RBFOX1: variants seen among roughly 807,000 people sequenced by gnomAD.
The protein encoded by RBFOX1 is RNA binding protein fox-1 homolog 1.
In RBFOX1, 8 loss-of-function variants were observed where a neutral mutation model predicts 57.7. That is an observed-to-expected ratio of 0.14 (90% CI 0.08 to 0.25). The LOEUF (loss-of-function observed/expected upper bound fraction) is 0.25. RBFOX1 is among the 10% of genes least tolerant of loss of function. The pLI, the probability that RBFOX1 is intolerant of heterozygous loss-of-function variation, is 1.00. For missense variants in RBFOX1, 611 were observed against 548.5 expected, an observed-to-expected ratio of 1.11 and a Z score of -1.14; for synonymous variants, 326 against 222.4, an observed-to-expected ratio of 1.47 and a Z score of -4.15.
At chr16:6,387,340 C>T (rs975879611) in intron 2 of RBFOX1, among the ~76,000 whole-genome samples, 5 of 152,170 alleles carry the variant, frequency 3.3e-5, no homozygotes, top group African/African-American at 9.6e-5. Context: ...GAGCACTCAG[C>T]GCCTGCTGTT....
chr16:7,336,545 G>C (rs749841422), intron 4 of RBFOX1, among the ~76,000 whole-genome samples: 5 of 152,216 alleles, frequency 3.3e-5, no homozygotes, highest in African/African-American at 4.8e-5. Context: ...TAACAAAAGT[G>C]ACAGTCATAG....
intron 3 of RBFOX1, among the ~76,000 whole-genome samples, chr16:7,034,793 C>A (rs562173956): frequency 7.2e-6 from 1 of 139,794 alleles, no homozygotes; most frequent in Non-Finnish European, 1.5e-5. Flanking sequence ...TTCTAATTCA[C>A]TTGGTCTGGG....
At chr16:5,785,602 A>T (rs536113402) in intron 3 of RBFOX1, among the ~76,000 whole-genome samples, 1 of 151,768 alleles carries the variant, frequency 6.6e-6, no homozygotes, top group South Asian at 2.1e-4. Context: ...ATCTTGGCTC[A>T]CTGCAACCTC....
intron 4 of RBFOX1, among the ~76,000 whole-genome samples, chr16:7,146,654 A>G (rs1011156808): frequency 8.5e-5 from 13 of 152,082 alleles, no homozygotes; most frequent in Non-Finnish European, 1.8e-4. Context: ...AGATAACGTA[A>G]AAATAACAAT....
chr16:7,080,739 C>T (rs778604858), intron 4 of RBFOX1, among the ~76,000 whole-genome samples: 15 of 152,120 alleles, frequency 9.9e-5, no homozygotes, highest in Non-Finnish European at 2.1e-4. Flanking sequence ...TTGAATAGTT[C>T]AACCCTCTCC....
At chr16:7,353,881 G>T (rs983426687) in intron 4 of RBFOX1, among the ~76,000 whole-genome samples, 1 of 152,180 alleles carries the variant, frequency 6.6e-6, no homozygotes, top group African/African-American at 2.4e-5. Flanking sequence ...GAATTATCTG[G>T]AATGTTCTAG....
chr16:6,702,335 C>T (rs912842531), intron 3 of RBFOX1, among the ~76,000 whole-genome samples: 1 of 152,146 alleles, frequency 6.6e-6, no homozygotes, highest in Non-Finnish European at 1.5e-5. Flanking sequence ...AGGCAGATTA[C>T]CTGAGGTAAG....
At chr16:5,662,417 A>G (rs2049685373) in intron 3 of RBFOX1, among the ~76,000 whole-genome samples, 1 of 152,184 alleles carries the variant, frequency 6.6e-6, no homozygotes, top group Non-Finnish European at 1.5e-5. Context: ...AAGTGCCAAT[A>G]TCATCACTTT....
chr16:5,447,100 C>T (rs565040308), intron 1 of RBFOX1, among the ~76,000 whole-genome samples: 16 of 152,230 alleles, frequency 1.1e-4, no homozygotes, highest in Admixed American at 7.2e-4. Context: ...CTGTGACTAC[C>T]GCATGAGCCC....
intron 4 of RBFOX1, among the ~76,000 whole-genome samples, chr16:5,914,629 G>T (rs916052688): frequency 3.9e-5 from 6 of 152,196 alleles, no homozygotes; most frequent in African/African-American, 1.2e-4. Flanking sequence ...GGGCGAGGTG[G>T]CTCATGCCTG....
chr16:6,420,973 C>T (rs1363891105), intron 2 of RBFOX1, among the ~76,000 whole-genome samples: 1 of 152,184 alleles, frequency 6.6e-6, no homozygotes, highest in South Asian at 2.1e-4. Flanking sequence ...CTTCCAATGG[C>T]CCCTTGTTGC....
intron 3 of RBFOX1, among the ~76,000 whole-genome samples, chr16:6,779,754 TTTATATATTTA>T (rs1222167818): frequency 3.7e-4 from 9 of 24,156 alleles, no homozygotes; most frequent in African/African-American, 1.3e-3. Context: ...TATATATACT[TTTATATATTTA>T]TATATATATT....
At chr16:7,541,205 T>C (rs911299084) in intron 5 of RBFOX1, among the ~76,000 whole-genome samples, 1 of 152,328 alleles carries the variant, frequency 6.6e-6, no homozygotes, top group Non-Finnish European at 1.5e-5. Context: ...CAAAGAACTC[T>C]TAGTGAGGCT....
chr16:6,080,550 T>C, intron 1 of RBFOX1, among the ~76,000 whole-genome samples: 1 of 152,108 alleles, frequency 6.6e-6, no homozygotes, highest in South Asian at 2.1e-4. Flanking sequence ...AATGCATAAT[T>C]AAGATAGGGA....
intron 14 of RBFOX1, among the ~76,000 whole-genome samples, chr16:7,683,958 G>T (rs949107627): frequency 6.6e-6 from 1 of 152,060 alleles, no homozygotes; most frequent in Non-Finnish European, 1.5e-5. Context: ...ACTTTGTTAC[G>T]TTGTTCTTTG....
intron 1 of RBFOX1, among the ~76,000 whole-genome samples, chr16:6,288,379 C>T (rs553457437): frequency 2.6e-5 from 4 of 152,184 alleles, no homozygotes; most frequent in Non-Finnish European, 5.9e-5. Flanking sequence ...TGGGTTAGAG[C>T]CTGAGATTCT....
intron 1 of RBFOX1, among the ~76,000 whole-genome samples, chr16:5,313,024 C>T (rs968130974): frequency 6.6e-6 from 1 of 152,026 alleles, no homozygotes; most frequent in African/African-American, 2.4e-5. Context: ...ATGGCAGGCT[C>T]AGTGATGAGA....
intron 2 of RBFOX1, among the ~76,000 whole-genome samples, chr16:5,583,295 G>A (rs1417723618): frequency 2.0e-5 from 3 of 152,188 alleles, no homozygotes; most frequent in Admixed American, 1.3e-4. Flanking sequence ...GGGACAAACC[G>A]TAACCTAGCT....
chr16:6,521,152 T>G (rs569274603), intron 2 of RBFOX1, among the ~76,000 whole-genome samples: 1 of 152,220 alleles, frequency 6.6e-6, no homozygotes, highest in South Asian at 2.1e-4. Flanking sequence ...TCTGTAATTG[T>G]GAATAAATGG....
Sources: allele counts gnomAD v4.1 joint callset (sites outside exome capture counted in the v4.1 genomes callset), GRCh38; gene constraint gnomAD v4.1.1; transcripts MANE v1.5; gene names NCBI Gene and HGNC (gene_info 2026-07-23, HGNC 2026-07-21).